The following SUMF1 variants were observed in gnomAD, a reference collection of about 807,000 sequenced individuals.
The protein encoded by SUMF1 is sulfatase modifying factor 1, also known as formylglycine-generating enzyme.
SUMF1 carries 48 observed loss-of-function variants against 47.6 expected under a neutral mutation model. The observed-to-expected ratio is 1.01, with a 90% CI of 0.80 to 1.28. The LOEUF (loss-of-function observed/expected upper bound fraction) is 1.28, where lower values mean the gene tolerates loss of function less well. SUMF1 is among the 50% of genes most tolerant of loss of function. The pLI is 0.00. For synonymous variants in SUMF1, 230 were observed against 192.1 expected, an observed-to-expected ratio of 1.20 and a Z score of -1.63; for missense variants, 571 against 485.4, an observed-to-expected ratio of 1.18 and a Z score of -1.66.
At chr3:4,159,935 G>A (rs1314432288) in intron 8 of SUMF1, among the ~76,000 whole-genome samples, 1 of 152,100 alleles carries the variant, frequency 6.6e-6, no homozygotes, top group African/African-American at 2.4e-5. Flanking sequence ...ACACATTGGA[G>A]CACAATTGTA....
intron 8 of SUMF1, among the ~76,000 whole-genome samples, chr3:4,330,323 T>C (rs1575103694): frequency 6.6e-6 from 1 of 152,216 alleles, no homozygotes; most frequent in East Asian, 1.9e-4. Flanking sequence ...GTTCTCATGC[T>C]GCTAATAAAG....
chr3:4,449,098 A>G, intron 3 of SUMF1, among the ~76,000 whole-genome samples, 168 bp downstream of exon 3: 1 of 152,190 alleles, frequency 6.6e-6, no homozygotes, highest in Admixed American at 6.5e-5. Flanking sequence ...ATTTTCCTTA[A>G]GATAAGGTGT....
At chr3:4,045,892 G>A (rs1054840743) in intron 9 of SUMF1, among the ~76,000 whole-genome samples, 2 of 152,118 alleles carry the variant, frequency 1.3e-5, no homozygotes, top group Non-Finnish European at 2.9e-5. Context: ...CTGAGATAAA[G>A]AATGATTCCC....
At chr3:4,369,274 A>C (rs2638371) in intron 8 of SUMF1, among the ~76,000 whole-genome samples, 4 of 151,310 alleles carry the variant, frequency 2.6e-5, no homozygotes, top group African/African-American at 7.3e-5. Context: ...GGTAGACAAA[A>C]GGAAGATGAA....
chr3:4,178,122 G>C (rs945571894), intron 8 of SUMF1, among the ~76,000 whole-genome samples: 1 of 152,130 alleles, frequency 6.6e-6, no homozygotes, highest in Non-Finnish European at 1.5e-5. Flanking sequence ...ACAAAGAGGA[G>C]TTAGTACCAT....
At chr3:4,298,771 T>G (rs1168866166) in intron 8 of SUMF1, among the ~76,000 whole-genome samples, 1 of 152,250 alleles carries the variant, frequency 6.6e-6, no homozygotes, top group East Asian at 1.9e-4. Flanking sequence ...ATGTAATCAG[T>G]GGTCAAACTT....
intron 8 of SUMF1, among the ~76,000 whole-genome samples, chr3:4,149,576 T>C (rs1448388285): frequency 6.6e-6 from 1 of 152,174 alleles, no homozygotes. Context: ...ATTAGGAATT[T>C]CTTCCTCAGA....
At chr3:4,077,101 C>A (rs987322348) in intron 8 of SUMF1, among the ~76,000 whole-genome samples, 1 of 152,092 alleles carries the variant, frequency 6.6e-6, no homozygotes. Flanking sequence ...CAAAACCACA[C>A]TGAGATACCA....
chr3:4,412,725 A>T (rs1701584250), intron 6 of SUMF1, among the ~76,000 whole-genome samples: 1 of 152,116 alleles, frequency 6.6e-6, no homozygotes, highest in African/African-American at 2.4e-5. Context: ...CTCTACTAAA[A>T]ATACCAAAAA....
At chr3:4,079,745 TGTC>T (rs1450925870) in intron 8 of SUMF1, among the ~76,000 whole-genome samples, 2 of 150,454 alleles carry the variant, frequency 1.3e-5, no homozygotes, top group Non-Finnish European at 3.0e-5. Context: ...TTAAGCAACT[TGTC>T]GTATCTGGCA....
intron 8 of SUMF1, among the ~76,000 whole-genome samples, chr3:4,163,109 A>G (rs984739101): frequency 1.4e-5 from 2 of 139,986 alleles, no homozygotes; most frequent in African/African-American, 5.4e-5. Flanking sequence ...GTGTTGAACT[A>G]AGCAGCAGCC....
chr3:4,191,551 A>G (rs767110922), intron 8 of SUMF1, among the ~76,000 whole-genome samples: 6 of 152,146 alleles, frequency 3.9e-5, no homozygotes, highest in African/African-American at 7.2e-5. Flanking sequence ...AGGCTATGGC[A>G]TGGGGAATGA....
intron 8 of SUMF1, among the ~76,000 whole-genome samples, chr3:4,139,343 A>G (rs572895321): frequency 1.1e-4 from 17 of 152,068 alleles, no homozygotes; most frequent in African/African-American, 3.1e-4. Context: ...TCATTCATCA[A>G]CTGCAACCAT....
chr3:4,458,487 C>A (rs966646277), intron 1 of SUMF1, among the ~76,000 whole-genome samples: 1 of 152,118 alleles, frequency 6.6e-6, no homozygotes, highest in African/African-American at 2.4e-5. Flanking sequence ...CTAGATGTCC[C>A]TTATCATATA....
intron 8 of SUMF1, among the ~76,000 whole-genome samples, chr3:4,166,324 C>T (rs562679295): frequency 1.2e-4 from 19 of 152,174 alleles, no homozygotes; most frequent in Admixed American, 1.2e-3. Context: ...AGGAGTGATG[C>T]CTTTTGTCCA....
In SUMF1 at chr3:4,253,927, G is replaced by C. The variant is rs1004345173; in HGVS notation, c.1014+122403C>G. On this transcript the variant is annotated intron_variant and NMD_transcript_variant, in intron 8 of 12. Transcript: ENST00000448413. ...GCAGCTGGAGATCTGAGAACTGGCAGACTGCCTCCTCAAGTGGGTCCCTGA... is the reference window on the plus strand; with the variant it reads ...GCAGCTGGAGATCTGAGAACTGGCACACTGCCTCCTCAAGTGGGTCCCTGA... Among the ~76,000 whole-genome samples, 163 of 150,470 alleles carry C rather than the reference G, an allele frequency of 1.1e-3. 1 individual carries two copies. The highest frequency in any genetic ancestry group is 2.6e-3 in the Admixed American group (39 of 15,164).
chr3:4,162,246 T>C (rs1351967121), intron 8 of SUMF1, among the ~76,000 whole-genome samples: 2 of 152,168 alleles, frequency 1.3e-5, no homozygotes, highest in Non-Finnish European at 2.9e-5. Flanking sequence ...GGAGTTTCTT[T>C]TGGAGCAGCA....
intron 8 of SUMF1, among the ~76,000 whole-genome samples, chr3:4,236,529 G>A (rs1297630451): frequency 3.3e-5 from 5 of 152,102 alleles, no homozygotes; most frequent in Admixed American, 2.0e-4. Context: ...CGAAGCAGGA[G>A]GATCACTTGA....
At chr3:4,229,752 G>A (rs1696255502) in intron 8 of SUMF1, among the ~76,000 whole-genome samples, 1 of 152,062 alleles carries the variant, frequency 6.6e-6, no homozygotes, top group African/African-American at 2.4e-5. Context: ...AGTGGCTCAT[G>A]TCTCTAATCC....
Sources: allele counts gnomAD v4.1 joint callset (sites outside exome capture counted in the v4.1 genomes callset), GRCh38; gene constraint gnomAD v4.1.1; transcripts MANE v1.5; gene names NCBI Gene and HGNC (gene_info 2026-07-23, HGNC 2026-07-21).